The following SCYL2 variants were observed in gnomAD, a reference collection of about 807,000 sequenced individuals.
SCYL2 encodes the protein SCY1-like protein 2.
A neutral mutation model predicts 100.4 loss-of-function variants in SCYL2; 36 were observed. The ratio of observed to expected loss-of-function variants is 0.36; its 90% CI spans 0.27 to 0.47. SCYL2 has a LOEUF of 0.47. Among genes scored for constraint, SCYL2 ranks in the 20% least tolerant of loss-of-function variants. The probability of loss-of-function intolerance (pLI) is 1.00; values close to 1 mark genes in which losing one functional copy is unlikely to be tolerated. For missense variants in SCYL2, 902 were observed against 1,083.9 expected, an observed-to-expected ratio of 0.83 and a Z score of 2.36; for synonymous variants, 330 against 359.2, an observed-to-expected ratio of 0.92 and a Z score of 0.92.
At chr12:100,329,007 G>A (rs1441536361) in intron 12 of SCYL2, among the ~76,000 whole-genome samples, 194 bp from the exon 13 acceptor site, 2 of 152,152 alleles carry the variant, frequency 1.3e-5, no homozygotes, top group South Asian at 2.1e-4. Context: ...ATGTCATGGT[G>A]TTTAAATCTG....
At chr12:100,314,411 C>G (rs774986901) in intron 7 of SCYL2, 78 bp from the exon 8 acceptor site, 2 of 1,027,408 alleles carry the variant, frequency 1.9e-6, no homozygotes, top group Non-Finnish European at 2.8e-6. Context: ...TTTTTTTTAC[C>G]ATATTGTGAC....
intron 13 of SCYL2, 139 bp downstream of exon 13, chr12:100,329,458 T>G (rs776259865): frequency 1.8e-5 from 9 of 513,094 alleles, no homozygotes; most frequent in Non-Finnish European, 2.8e-5. Flanking sequence ...GAAGAAAGTT[T>G]GTGGGTGGAA....
chr12:100,297,818 T>G (rs918865341), intron 3 of SCYL2, among the ~76,000 whole-genome samples: 2 of 152,196 alleles, frequency 1.3e-5, no homozygotes, highest in Non-Finnish European at 2.9e-5. Flanking sequence ...CAACACTTAG[T>G]TTAAAAGACC....
At chr12:100,321,069 G>A (rs531568837) in intron 10 of SCYL2, among the ~76,000 whole-genome samples, 2 of 152,192 alleles carry the variant, frequency 1.3e-5, no homozygotes, top group East Asian at 3.9e-4. Context: ...CATAGTAGCA[G>A]GGACCACAGG....
At chr12:100,291,155 A>G (rs893416425) in intron 2 of SCYL2, among the ~76,000 whole-genome samples, 6 of 152,210 alleles carry the variant, frequency 3.9e-5, no homozygotes, top group African/African-American at 1.4e-4. Flanking sequence ...ATACTTCACG[A>G]TTATCATTGT....
Position 100,338,591 on chromosome 12 carries a change from A to T in SCYL2, c.2209A>T (p.Thr737Ser). Reference protein sequence around the residue: ...MSSLTSLSVSTPKSSASSTFT... With the variant: ...MSSLTSLSVSSPKSSASSTFT... ...ATCCTTGACCAGCCTTTCTGTTAGTACCCCTAAATCTTCTGCTTCAAGTAC... is the reference window on the plus strand; with the variant it reads ...ATCCTTGACCAGCCTTTCTGTTAGTTCCCCTAAATCTTCTGCTTCAAGTAC... Residue 737 changes from threonine (T) to serine (S), a missense_variant, in exon 18 of 18, where the codon ACC (threonine) becomes TCC (serine). Physicochemically the swap from Thr to Ser is moderately conservative, Grantham distance 58. Coordinates refer to ENST00000360820, the MANE Select transcript of SCYL2 (RefSeq NM_017988.6). 6.2e-7 allele frequency: 1 copy of T among 1,613,674 alleles called. No individual in the cohort carries two copies. Among genetic ancestry groups the T allele is most frequent in the Non-Finnish European group, 8.5e-7 (1 of 1,179,690 alleles).
chr12:100,321,745 A>G (rs2096356002), intron 10 of SCYL2, among the ~76,000 whole-genome samples: 1 of 152,160 alleles, frequency 6.6e-6, no homozygotes, highest in Non-Finnish European at 1.5e-5. Context: ...AGGTACCTAC[A>G]CATTTTAGAA....
intron 8 of SCYL2, among the ~76,000 whole-genome samples, chr12:100,315,337 C>A (rs999146618): frequency 6.6e-6 from 1 of 152,008 alleles, no homozygotes; most frequent in Non-Finnish European, 1.5e-5. Flanking sequence ...GTAGGGTGAC[C>A]GTGTGTCCCC....
intron 4 of SCYL2, among the ~76,000 whole-genome samples, chr12:100,307,697 G>A (rs1241830943): frequency 2.0e-5 from 3 of 152,154 alleles, no homozygotes; most frequent in African/African-American, 7.2e-5. Context: ...TATCATCAAA[G>A]TGAACAGGCA....
chr12:100,303,622 C>G (rs2096330423), intron 4 of SCYL2, among the ~76,000 whole-genome samples: 2 of 152,196 alleles, frequency 1.3e-5, no homozygotes, highest in African/African-American at 4.8e-5. Context: ...CCTAATCCTT[C>G]CTCTGGAAGC....
At chr12:100,279,448 A>G (rs1038103906) in intron 1 of SCYL2, among the ~76,000 whole-genome samples, 5 of 152,214 alleles carry the variant, frequency 3.3e-5, no homozygotes, top group Non-Finnish European at 5.9e-5. Flanking sequence ...CTACTGTTGT[A>G]TAAGTCACAT....
Position 100,311,179 on chromosome 12 carries a change from C to G in SCYL2, c.616C>G (p.Pro206Ala). ...GFDFCVSSTN[P>A]SEQEPKFPCK... Reference sequence around the variant, plus strand: ...TGATTTTTGTGTATCATCAACCAATCCTTCTGAACAAGAGGTAATGAAAGT... The same window carrying G: ...TGATTTTTGTGTATCATCAACCAATGCTTCTGAACAAGAGGTAATGAAAGT... The change falls in exon 5 of 18, where the codon CCT becomes GCT. Residue 206 changes from proline (P) to alanine (A), a missense_variant. Coordinates refer to ENST00000360820, the MANE Select transcript of SCYL2 (RefSeq NM_017988.6). 6.3e-7 allele frequency: 1 copy of G among 1,592,838 alleles called. No homozygotes were observed. The highest frequency in any genetic ancestry group is 8.5e-7 in the Non-Finnish European group (1 of 1,174,060).
At chr12:100,291,965 AGCTG>A in intron 3 of SCYL2, 1 of 219,750 alleles carries the variant, frequency 4.6e-6, no homozygotes, top group Non-Finnish European at 8.8e-6. Context: ...GCCTGAAAGT[AGCTG>A]TCCTTGCTAA....
In SCYL2 at chr12:100,326,823, A is replaced by G. The variant is rs1049801268; in HGVS notation, c.1642+69A>G. 2.3e-6 allele frequency: 3 copies of G among 1,315,478 alleles called. No individual in the cohort carries two copies. In the East Asian group the frequency reaches 7.1e-5, roughly 31 times the overall value. The allele number at this position is 1,315,478 out of a possible 1,614,324, so 81.5% of individuals were successfully genotyped here. ...AATAAATTTTCCAATCTATAAAACA[A>G]TTATACTCTCCTTTCGTGTATATAG... is the stretch of plus-strand genomic sequence containing the variant. On this transcript the variant is annotated intron_variant, in intron 12 of 17. Coordinates refer to ENST00000360820, the MANE Select transcript of SCYL2 (RefSeq NM_017988.6).
intron 1 of SCYL2, among the ~76,000 whole-genome samples, chr12:100,280,386 A>G (rs1023772708): frequency 1.3e-5 from 2 of 152,202 alleles, no homozygotes; most frequent in African/African-American, 4.8e-5. Context: ...ATGGGGGCCT[A>G]ATAATACCTC....
At chr12:100,279,685 T>C (rs1400643354) in intron 1 of SCYL2, among the ~76,000 whole-genome samples, 1 of 152,246 alleles carries the variant, frequency 6.6e-6, no homozygotes, top group Non-Finnish European at 1.5e-5. Flanking sequence ...TACCCCACTA[T>C]TAAGGCATGG....
chr12:100,285,151 G>A (rs1342516354), intron 2 of SCYL2, among the ~76,000 whole-genome samples: 2 of 151,906 alleles, frequency 1.3e-5, no homozygotes, highest in African/African-American at 2.4e-5. Flanking sequence ...ACCAGCATCC[G>A]GACCAATAAA....
chr12:100,320,207 A>G (rs151308428), intron 10 of SCYL2, among the ~76,000 whole-genome samples: 30 of 152,178 alleles, frequency 2.0e-4, no homozygotes, highest in African/African-American at 6.3e-4. Context: ...GTGTTTTGCA[A>G]TCTCCTGTTA....
intron 3 of SCYL2, among the ~76,000 whole-genome samples, chr12:100,295,826 C>T (rs529415658): frequency 6.6e-5 from 10 of 151,896 alleles, no homozygotes; most frequent in African/African-American, 1.9e-4. Context: ...TTCATCCATG[C>T]TGAGCTGCAA....
Sources: gnomAD v4.1 joint callset for allele counts (sites outside exome capture counted in the v4.1 genomes callset) on GRCh38, gnomAD v4.1.1 for gene constraint, MANE v1.5 for transcripts, NCBI Gene and HGNC (gene_info 2026-07-23, HGNC 2026-07-21) for gene names.